Variants in DNAAF2 observed in about 807,000 individuals in gnomAD.
DNAAF2 encodes dynein axonemal assembly factor 2, also known as protein kintoun.
A neutral mutation model predicts 48.8 loss-of-function variants in DNAAF2; 58 were observed. The ratio of observed to expected loss-of-function variants is 1.19; its 90% confidence interval spans 0.96 to 1.48. The LOEUF (loss-of-function observed/expected upper bound fraction) is 1.48, where lower values mean the gene tolerates loss of function less well. DNAAF2 is among the 40% of genes most tolerant of loss of function. DNAAF2 has a pLI of 0.00. For synonymous variants in DNAAF2, 567 were observed against 481.2 expected (o/e 1.18, Z -2.33); for missense variants, 1,241 against 1,116.1 (o/e 1.11, Z -1.59).
intron 1 of DNAAF2, among the ~76,000 whole-genome samples, chr14:49,631,908 GC>G (rs1400782932): frequency 1.3e-5 from 2 of 152,094 alleles, no homozygotes; most frequent in Admixed American, 6.6e-5. Flanking sequence ...AACACTGAGA[GC>G]CTGGTCCAGT....
In DNAAF2 at chr14:49,633,695, A is replaced by ACTCT; in HGVS notation, c.1451_1454dup (p.Ser485ArgfsTer7). 1 of 1,603,734 alleles carries ACTCT rather than the reference A, an allele frequency of 6.2e-7. No individual in the cohort carries two copies. Among genetic ancestry groups the ACTCT allele is most frequent in the Non-Finnish European group, 8.5e-7 (1 of 1,173,586 alleles). On this transcript the variant is annotated frameshift_variant, in exon 1 of 3. Coordinates refer to ENST00000298292, the MANE Select transcript of DNAAF2 (RefSeq NM_018139.3). LOFTEE classifies it high-confidence loss of function. Reference sequence around the variant, plus strand: ...TTTCCACACTGCTATCTCCGCGCGCACTCTCTCTTCCCGCAGAAGAACCCC... The same window carrying ACTCT: ...TTTCCACACTGCTATCTCCGCGCGCACTCTCTCTCTCTTCCCGCAGAAGAACCCC...
In DNAAF2 at chr14:49,630,740, T is replaced by TACACACACAC. The variant is rs58647073; in HGVS notation, c.1863+2537_1863+2546dup. Among the ~76,000 whole-genome samples, 683 of 136,854 alleles carry TACACACACAC rather than the reference T, an allele frequency of 5.0e-3. 4 individuals are homozygous for TACACACACAC. The highest frequency in any genetic ancestry group is 0.011 in the Admixed American group (145 of 13,332). 89.8% of individuals were successfully genotyped at this position (136,854 alleles called of 152,430 possible). A position where few individuals can be genotyped will look rare whatever the true frequency, so the allele number is the denominator to read the frequency against. On this transcript the variant is annotated intron_variant, in intron 1 of 2. Coordinates refer to ENST00000298292, the MANE Select transcript of DNAAF2 (RefSeq NM_018139.3). ...CACACACACACACACACAAACTCTC[T>TACACACACAC]ACACACACACACACACTTTTTTTTT...
Position 49,634,656 on chromosome 14 carries a change from T to A in DNAAF2, c.494A>T (p.Asp165Val). 8 of 1,606,694 alleles carry A rather than the reference T, an allele frequency of 5.0e-6. No individual in the cohort carries two copies. The highest frequency in any genetic ancestry group is 6.8e-6 in the Non-Finnish European group (8 of 1,179,660). Residue 165 changes from aspartate to valine, a missense_variant, in exon 1 of 3, where the codon GAC becomes GTC. By Grantham distance (152) the Asp-to-Val change is radical. Transcript: ENST00000298292. ...RRHEGFRQML[D>V]ATALEAVEKQ... ...CTCGACGGCCTCCAGGGCCGTGGCG[T>A]CCAGCATCTGGCGGAAGCCCTCGTG...
rs1248326846 is a variant in DNAAF2, at chr14:49,634,778, G to C, written c.372C>G (p.Ser124Arg). Residue 124 changes from serine (S) to arginine (R), a missense_variant, in exon 1 of 3, where the codon AGC (serine) becomes AGG (arginine). By Grantham distance (110) the Ser-to-Arg change is moderately radical (BLOSUM62 -1). Transcript: ENST00000298292. ...CCGCGTACTCGCGGCCGGGCGCCAG[G>C]CTGTAGGGCAGGGACCAGTGGCTGC... ...APGSHWSLPYSLAPGREYAGR... is the reference protein window; with the variant it reads ...APGSHWSLPYRLAPGREYAGR... The C allele has an allele frequency of 1.9e-6, 3 of 1,584,414 alleles. No homozygotes were observed. The highest frequency in any genetic ancestry group is 1.3e-5 in the African/African-American group (1 of 74,556).
intron 1 of DNAAF2, among the ~76,000 whole-genome samples, chr14:49,630,669 C>CCACACA (rs71441237): frequency 0.33 from 44,169 of 132,314 alleles, 8,247 homozygotes; most frequent in Middle Eastern, 0.44. Flanking sequence ...AACTCTCTCT[C>CCACACA]CACACACACA....
In DNAAF2 at chr14:49,634,469, A is replaced by C; in HGVS notation, c.681T>G (p.Pro227=). Reference sequence around the variant, plus strand: ...GCCCGGGGGCTGCCGGGTACTGGTAAGGGTAGGGGAAGTCCGGGAGAGGAC... The same window carrying C: ...GCCCGGGGGCTGCCGGGTACTGGTACGGGTAGGGGAAGTCCGGGAGAGGAC... The part of the protein sequence containing the change: ...PKGPLPDFPY[P]YQYPAAPGPR... The change falls in exon 1 of 3, where the codon CCT becomes CCG. Residue 227 remains proline (P), a synonymous_variant. Transcript: ENST00000298292. 1.3e-5 allele frequency: 21 copies of C among 1,572,100 alleles called. No homozygotes were observed. Among genetic ancestry groups the C allele is most frequent in the Non-Finnish European group, 1.8e-5 (21 of 1,164,100 alleles).
chr14:49,630,705 ACT>A (rs1883132207), intron 1 of DNAAF2, among the ~76,000 whole-genome samples: 3 of 89,970 alleles, frequency 3.3e-5, no homozygotes, highest in Admixed American at 1.4e-4. Flanking sequence ...ACACACATAA[ACT>A]CTCTACACAC....
At chr14:49,627,745 C>T (rs1883046110) in intron 2 of DNAAF2, among the ~76,000 whole-genome samples, 1 of 151,670 alleles carries the variant, frequency 6.6e-6, no homozygotes, top group Non-Finnish European at 1.5e-5. Flanking sequence ...GTCCCAGCTA[C>T]TTGGGAGGCT....
rs776779607 is a variant in DNAAF2 at position 49,634,177 on chromosome 14, G to C, written c.973C>G (p.Pro325Ala). ...DYRLRLSLPY[P>A]VDDGRGKAQF... ...GCCTTGCCGCGGCCATCGTCCACTG[G>C]GTACGGGAGCGAGAGCCGCAGCCGG... Residue 325 changes from proline (P) to alanine (A), a missense_variant, in exon 1 of 3, where the codon CCA (proline) becomes GCA (alanine). Physicochemically the swap from Pro to Ala is conservative, Grantham distance 27. Coordinates refer to ENST00000298292, the MANE Select transcript of DNAAF2 (RefSeq NM_018139.3). 3 of 1,608,634 alleles carry C rather than the reference G, an allele frequency of 1.9e-6. No individual in the cohort carries two copies. The East Asian group carries it at 6.7e-5, about 36-fold the overall frequency.
At chr14:49,630,098 G>C (rs1883113953) in intron 1 of DNAAF2, among the ~76,000 whole-genome samples, 1 of 152,074 alleles carries the variant, frequency 6.6e-6, no homozygotes, top group Admixed American at 6.6e-5. Flanking sequence ...GGGAGTGGTA[G>C]CATGCACCTG....
At position 49,625,670 on chromosome 14, in the gene DNAAF2, G is replaced by A. The variant is rs1384426642; in HGVS notation, c.2386C>T (p.His796Tyr). 3.1e-6 allele frequency: 5 copies of A among 1,613,544 alleles called. No homozygotes were observed. Among genetic ancestry groups the A allele is most frequent in the Admixed American group, 1.7e-5 (1 of 59,996 alleles). The change falls in exon 3 of 3, where the codon CAC (histidine) becomes TAC (tyrosine). Residue 796 changes from histidine to tyrosine, a missense_variant. Physicochemically the swap from His to Tyr is moderately conservative, Grantham distance 83. Coordinates refer to ENST00000298292, the MANE Select transcript of DNAAF2 (RefSeq NM_018139.3). ...ATGCTGTCGAATCCAGGTATATTGTGAACCGTAGTTTTGTTCAGTAATGAA... is the reference window on the plus strand; with the variant it reads ...ATGCTGTCGAATCCAGGTATATTGTAAACCGTAGTTTTGTTCAGTAATGAA... ...LSSLLNKTTV[H>Y]NIPGFDSIKE...
At chr14:49,629,664 A>C (rs2139575922) in intron 1 of DNAAF2, 1 of 148,488 alleles carries the variant, frequency 6.7e-6, no homozygotes, top group East Asian at 2.0e-4. Flanking sequence ...ACTCTGTCTC[A>C]AAAAAAAAAA....
Position 49,625,983 on chromosome 14 carries a change from A to G in DNAAF2, c.2073T>C (p.His691=). The change falls in exon 3 of 3, where the codon CAT becomes CAC. Residue 691 remains histidine, a synonymous_variant. Coordinates refer to ENST00000298292, the MANE Select transcript of DNAAF2 (RefSeq NM_018139.3). The part of the protein sequence containing the change: ...GKEERVNEES[H]LTEKEYIEHC... The stretch of plus-strand genomic sequence containing the variant: ...GTTCTATATATTCCTTTTCAGTTAG[A>G]TGACTTTCTTCATTTACTCTTTCCT... 6.3e-7 allele frequency: 1 copy of G among 1,597,654 alleles called. No individual in the cohort carries two copies. Among genetic ancestry groups the G allele is most frequent in the Non-Finnish European group, 8.5e-7 (1 of 1,174,474 alleles).
At chr14:49,631,424 G>C (rs1883161806) in intron 1 of DNAAF2, among the ~76,000 whole-genome samples, 1 of 152,184 alleles carries the variant, frequency 6.6e-6, no homozygotes, top group Admixed American at 6.5e-5. Context: ...AGGAGATCAA[G>C]ACCATCCTGG....
In DNAAF2 at chr14:49,633,782, A is replaced by T. The variant is rs779292258; in HGVS notation, c.1368T>A (p.Pro456=). The T allele has an allele frequency of 2.5e-6, 4 of 1,593,304 alleles. No homozygotes were observed. The highest frequency in any genetic ancestry group is 2.7e-5 in the African/African-American group (2 of 74,708). The change falls in exon 1 of 3, where the codon CCT becomes CCA. Residue 456 remains proline, a synonymous_variant. Transcript: ENST00000298292. The part of the protein sequence containing the change: ...SPPGSVEEPS[P]GGENSPGGGG... ...CGCCACCAGGTGAGTTTTCTCCTCC[A>T]GGAGATGGCTCCTCCACGCTGCCCG...
rs540114714 is a variant in DNAAF2 at position 49,633,950 on chromosome 14, G to A, written c.1200C>T (p.His400=). The A allele has an allele frequency of 1.3e-6, 2 of 1,530,214 alleles. No homozygotes were observed. Among genetic ancestry groups the A allele is most frequent in the Non-Finnish European group, 1.7e-6 (2 of 1,144,786 alleles). The allele number at this position is 1,530,214 out of a possible 1,614,324, so 94.8% of individuals were successfully genotyped here. A position where few individuals can be genotyped will look rare whatever the true frequency, so the allele number is the denominator to read the frequency against. ...PARSRAEDGG[H]DTCVAGAAGS... ...CCGCAGCCCCAGCCACGCAGGTATC[G>A]TGGCCTCCGTCCTCCGCGCGACTCC... is the stretch of plus-strand genomic sequence containing the variant. The change falls in exon 1 of 3, where the codon CAC becomes CAT. Residue 400 remains histidine (H), a synonymous_variant. Coordinates refer to ENST00000298292, the MANE Select transcript of DNAAF2 (RefSeq NM_018139.3).
intron 1 of DNAAF2, 34 bp from the exon 2 acceptor site, chr14:49,628,189 T>G: frequency 6.5e-7 from 1 of 1,536,024 alleles, no homozygotes; most frequent in Non-Finnish European, 8.8e-7. Context: ...TTCTGCCTAA[T>G]AAGTCCCACT....
chr14:49,631,612 G>A (rs1416356214), intron 1 of DNAAF2, among the ~76,000 whole-genome samples: 1 of 152,084 alleles, frequency 6.6e-6, no homozygotes, highest in Non-Finnish European at 1.5e-5. Flanking sequence ...GACGGTGCAA[G>A]ACTCCATCTC....
At chr14:49,626,908 C>T (rs547815757) in intron 2 of DNAAF2, among the ~76,000 whole-genome samples, 7 of 143,354 alleles carry the variant, frequency 4.9e-5, no homozygotes, top group Non-Finnish European at 1.0e-4. Flanking sequence ...CAGATTCAAG[C>T]GATTCTCCTG....
Sources: allele counts gnomAD v4.1 joint callset (sites outside exome capture counted in the v4.1 genomes callset), GRCh38; gene constraint gnomAD v4.1.1; transcripts MANE v1.5; gene names NCBI Gene and HGNC (gene_info 2026-07-23, HGNC 2026-07-21).